The following TCEANC2 variants were observed in gnomAD, a reference collection of about 807,000 sequenced individuals.
TCEANC2 encodes the protein transcription elongation factor A N-terminal and central domain containing 2.
In TCEANC2, 20 loss-of-function variants were observed where a neutral mutation model predicts 22.8. That is an observed-to-expected ratio of 0.88 (90% CI 0.62 to 1.28). The LOEUF is 1.28. Ranked by LOEUF, TCEANC2 falls within the 50% of genes most tolerant of loss-of-function variation. TCEANC2 has a pLI of 0.00. For missense variants in TCEANC2, 251 were observed against 249.7 expected (o/e 1.01, Z -0.03); for synonymous variants, 84 against 95.5 (o/e 0.88, Z 0.70).
chr1:54,060,796 C>T (rs1363694265), intron 2 of TCEANC2, among the ~76,000 whole-genome samples: 4 of 151,708 alleles, frequency 2.6e-5, no homozygotes, highest in Non-Finnish European at 4.4e-5. Flanking sequence ...AAAAATTAGC[C>T]GGGTGTGGTG....
At chr1:54,110,040 G>A (rs930580153), downstream of TCEANC2, among the ~76,000 whole-genome samples, 3 of 152,132 alleles carry the variant, frequency 2.0e-5, no homozygotes, top group African/African-American at 7.2e-5. Context: ...TGTTAGAGGG[G>A]AATCAAAATC....
At chr1:54,094,837 A>G (rs1658515109) in intron 4 of TCEANC2, among the ~76,000 whole-genome samples, 1 of 152,132 alleles carries the variant, frequency 6.6e-6, no homozygotes, top group Admixed American at 6.5e-5. Context: ...AGGAGAGACA[A>G]ACTTAAAATA....
intron 2 of TCEANC2, among the ~76,000 whole-genome samples, chr1:54,059,516 A>G (rs1458691212): frequency 1.3e-5 from 2 of 152,168 alleles, no homozygotes; most frequent in African/African-American, 4.8e-5. Context: ...ACACATATTA[A>G]GTGGTCAATA....
In TCEANC2 at chr1:54,065,029, A is replaced by C. The variant is rs148888742; in HGVS notation, c.103-3727A>C. 5.8e-3 allele frequency among the ~76,000 whole-genome samples: 882 copies of C among 152,260 alleles called. 6 individuals are homozygous for C. Among genetic ancestry groups the C allele is most frequent in the African/African-American group, 0.02 (825 of 41,552 alleles). ...TTTTCCTTTTGATTTAGTTCTAGGA[A>C]GTCAGTGCGAATCAGCCTTAGGTTC... is the stretch of plus-strand genomic sequence containing the variant. On this transcript the variant is annotated intron_variant, in intron 2 of 4. Coordinates refer to ENST00000234827, the MANE Select transcript of TCEANC2 (RefSeq NM_153035.3).
intron 3 of TCEANC2, among the ~76,000 whole-genome samples, chr1:54,077,966 C>A (rs1167771289): frequency 6.6e-6 from 1 of 152,122 alleles, no homozygotes; most frequent in Non-Finnish European, 1.5e-5. Context: ...AATTCAGATA[C>A]CTCTTGGATA....
rs189038707 is a variant in TCEANC2, at chr1:54,085,472, C to T, written c.245-3125C>T. ...ATTCTTATGTACTATGGTCTGTTTG[C>T]GACCTTCATTTTTTAAAATTCCCTA... is the stretch of plus-strand genomic sequence containing the variant. On this transcript the variant is annotated intron_variant, in intron 3 of 4. Coordinates refer to ENST00000234827, the MANE Select transcript of TCEANC2 (RefSeq NM_153035.3). Among the ~76,000 whole-genome samples, 701 of 152,150 alleles carry T rather than the reference C, an allele frequency of 4.6e-3. 14 individuals are homozygous for T. Among genetic ancestry groups the T allele is most frequent in the Admixed American group, 0.029 (444 of 15,288 alleles).
chr1:54,074,025 A>G (rs1365018064), intron 3 of TCEANC2, among the ~76,000 whole-genome samples: 1 of 152,206 alleles, frequency 6.6e-6, no homozygotes. Context: ...AGGGAATAAT[A>G]AGTTCCATTT....
chr1:54,101,462 A>T lies in TCEANC2; in HGVS notation c.*4989A>T, dbSNP rs993122490. 1.3e-5 allele frequency: 2 copies of T among 152,216 alleles called. No individual in the cohort carries two copies. The highest frequency in any genetic ancestry group is 2.4e-5 in the African/African-American group (1 of 41,454). 9.4% of individuals were successfully genotyped at this position (152,216 alleles called of 1,614,324 possible). A position where few individuals can be genotyped will look rare whatever the true frequency, so the allele number is the denominator to read the frequency against. On this transcript the variant is annotated 3_prime_UTR_variant, in exon 5 of 5. Coordinates refer to ENST00000234827, the MANE Select transcript of TCEANC2 (RefSeq NM_153035.3). ...GGTTTCAAGATCCAAGAAGATCAAG[A>T]CATCCAATCAAATGCTGGTTTTTAA... is the stretch of plus-strand genomic sequence containing the variant.
rs1054064175 is a variant in TCEANC2 at position 54,100,465 on chromosome 1, T to C, written c.*3992T>C. The C allele has an allele frequency of 6.6e-6, 1 of 152,208 alleles. No homozygotes were observed. Among genetic ancestry groups the C allele is most frequent in the East Asian group, 1.9e-4 (1 of 5,176 alleles). The allele number at this position is 152,208 out of a possible 1,614,324, so 9.4% of individuals were successfully genotyped here. Reference sequence around the variant, plus strand: ...GACACATAACTAAATAAATAGAGTATAGCATATTGGGTGATAACTATAGAC... The same window carrying C: ...GACACATAACTAAATAAATAGAGTACAGCATATTGGGTGATAACTATAGAC... On this transcript the variant is annotated 3_prime_UTR_variant, in exon 5 of 5. Coordinates refer to ENST00000234827, the MANE Select transcript of TCEANC2 (RefSeq NM_153035.3).
chr1:54,093,890 A>G (rs931631286), intron 4 of TCEANC2, among the ~76,000 whole-genome samples: 4 of 152,126 alleles, frequency 2.6e-5, no homozygotes, highest in African/African-American at 7.2e-5. Flanking sequence ...GAGACTAACC[A>G]GCCTCATACC....
At chr1:54,070,067 T>G (rs1478642641) in intron 3 of TCEANC2, among the ~76,000 whole-genome samples, 1 of 152,194 alleles carries the variant, frequency 6.6e-6, no homozygotes, top group African/African-American at 2.4e-5. Flanking sequence ...CACTAACAGC[T>G]GGGAAGAGCT....
At chr1:54,074,235 G>A (rs1242944286) in intron 3 of TCEANC2, among the ~76,000 whole-genome samples, 8 of 150,748 alleles carry the variant, frequency 5.3e-5, no homozygotes, top group Admixed American at 3.3e-4. Context: ...AGGCCGAGGC[G>A]GGTGGATCAC....
At chr1:54,064,795 G>A (rs1171466544) in intron 2 of TCEANC2, among the ~76,000 whole-genome samples, 1 of 149,130 alleles carries the variant, frequency 6.7e-6, no homozygotes, top group African/African-American at 2.5e-5. Context: ...CACCTCCCAG[G>A]TTCAAATGAT....
chr1:54,077,083 A>G (rs1658157508), intron 3 of TCEANC2, among the ~76,000 whole-genome samples: 1 of 152,136 alleles, frequency 6.6e-6, no homozygotes, highest in Non-Finnish European at 1.5e-5. Flanking sequence ...GACTGAGAGA[A>G]TGGAGAAATG....
intron 3 of TCEANC2, among the ~76,000 whole-genome samples, chr1:54,077,000 A>G (rs887524395): frequency 6.6e-6 from 1 of 151,672 alleles, no homozygotes; most frequent in Non-Finnish European, 1.5e-5. Flanking sequence ...CAGAAACTTG[A>G]AGGTGAGGAA....
At chr1:54,073,023 T>TG (rs1658086197) in intron 3 of TCEANC2, among the ~76,000 whole-genome samples, 1 of 152,156 alleles carries the variant, frequency 6.6e-6, no homozygotes, top group Non-Finnish European at 1.5e-5. Context: ...CGGAGTGCAG[T>TG]GGCACAGTCA....
rs760342468 is a variant in TCEANC2 at position 54,054,495 on chromosome 1, T to C, written c.73T>C (p.Tyr25His). ...PQKKDSGGKV[Y>H]KQATIESLKR... is the part of the protein sequence containing the mutation. ...GAAGAAAGATTCTGGAGGAAAGGTTTACAAGCAGGCCACGATTGAATCTCT... is the reference window on the plus strand; with the variant it reads ...GAAGAAAGATTCTGGAGGAAAGGTTCACAAGCAGGCCACGATTGAATCTCT... The change falls in exon 2 of 5, where the codon TAC becomes CAC. Residue 25 changes from tyrosine (Y) to histidine (H), a missense_variant. By Grantham distance (83) the Tyr-to-His change is moderately conservative (BLOSUM62 2). Transcript: ENST00000234827. The C allele has an allele frequency of 6.8e-6, 11 of 1,613,788 alleles. No individual in the cohort carries two copies. Among genetic ancestry groups the C allele is most frequent in the Non-Finnish European group, 9.3e-6 (11 of 1,179,886 alleles).
rs1175746779 is a variant in TCEANC2, at chr1:54,054,230, C to T, written c.-42-151C>T. 1.2e-5 allele frequency: 17 copies of T among 1,435,542 alleles called. No homozygotes were observed. In the Middle Eastern group the frequency reaches 1.3e-3, roughly 107 times the overall value. The allele number at this position is 1,435,542 out of a possible 1,614,324, so 88.9% of individuals were successfully genotyped here. On this transcript the variant is annotated intron_variant, in intron 1 of 4. Transcript: ENST00000234827. The stretch of plus-strand genomic sequence containing the variant: ...AGTTTCAATTCTTCGGAAGATCTTT[C>T]TTTTAAAGAGAAAATCTTACTTCCT...
At chr1:54,084,343 T>C (rs1044162258) in intron 3 of TCEANC2, among the ~76,000 whole-genome samples, 1 of 152,208 alleles carries the variant, frequency 6.6e-6, no homozygotes, top group African/African-American at 2.4e-5. Context: ...GCAAAGTAGT[T>C]ATTGTTTAAA....
Sources: allele counts gnomAD v4.1 joint callset (sites outside exome capture counted in the v4.1 genomes callset), GRCh38; gene constraint gnomAD v4.1.1; transcripts MANE v1.5; gene names NCBI Gene and HGNC (gene_info 2026-07-23, HGNC 2026-07-21).